Variants in SPON1 observed in about 807,000 individuals in gnomAD.
SPON1 encodes spondin-1.
In SPON1, 52 loss-of-function variants were observed where a neutral mutation model predicts 111.7. The observed-to-expected ratio is 0.47, with a 90% CI of 0.37 to 0.59. The LOEUF is 0.59. Ranked by LOEUF, SPON1 falls within the 20% of genes least tolerant of loss-of-function variation. SPON1 has a pLI of 0.00. For synonymous variants in SPON1, 410 were observed against 395.8 expected, an observed-to-expected ratio of 1.04 and a Z score of -0.43; for missense variants, 957 against 1,068.5, an observed-to-expected ratio of 0.90 and a Z score of 1.46.
chr11:14,012,794 A>C (rs995325487), intron 2 of SPON1, among the ~76,000 whole-genome samples: 1 of 152,052 alleles, frequency 6.6e-6, no homozygotes, highest in Non-Finnish European at 1.5e-5. Flanking sequence ...TTGAGGACAA[A>C]GCATGTTTTA....
intron 2 of SPON1, among the ~76,000 whole-genome samples, chr11:14,006,388 T>C (rs782801748): frequency 6.6e-6 from 1 of 152,120 alleles, no homozygotes; most frequent in Non-Finnish European, 1.5e-5. Flanking sequence ...AGAGCTCTCA[T>C]CAATATGGAA....
chr11:14,022,862 C>T (rs781892988), intron 2 of SPON1, among the ~76,000 whole-genome samples: 4 of 152,234 alleles, frequency 2.6e-5, no homozygotes, highest in African/African-American at 7.2e-5. Flanking sequence ...ACCACCTGCA[C>T]GCTGAGAAGA....
intron 2 of SPON1, among the ~76,000 whole-genome samples, chr11:13,991,699 C>A (rs1236247471): frequency 6.6e-6 from 1 of 152,124 alleles, no homozygotes; most frequent in Non-Finnish European, 1.5e-5. Context: ...CTGGCTTATC[C>A]ACATCTTTAT....
intron 2 of SPON1, among the ~76,000 whole-genome samples, chr11:14,013,856 T>C (rs1848423896): frequency 6.6e-6 from 1 of 152,206 alleles, no homozygotes; most frequent in Non-Finnish European, 1.5e-5. Context: ...GGTTATTTAC[T>C]TCTTGCTCAA....
At chr11:14,175,169 G>A (rs534932773) in intron 6 of SPON1, among the ~76,000 whole-genome samples, 3 of 152,344 alleles carry the variant, frequency 2.0e-5, no homozygotes, top group South Asian at 2.1e-4. Context: ...CTACTGAGCT[G>A]TACAGCATTG....
chr11:14,168,495 C>CT (rs561393472), intron 6 of SPON1, among the ~76,000 whole-genome samples: 3 of 151,222 alleles, frequency 2.0e-5, no homozygotes, highest in East Asian at 1.9e-4. Flanking sequence ...TAAAATTTTT[C>CT]TTTTTTTTTC....
At chr11:14,093,936 G>A (rs1849078908) in intron 5 of SPON1, among the ~76,000 whole-genome samples, 1 of 152,134 alleles carries the variant, frequency 6.6e-6, no homozygotes, top group South Asian at 2.1e-4. Context: ...ACTTAGGCCA[G>A]GCATGGTGGT....
chr11:14,012,768 C>A (rs1356093684), intron 2 of SPON1, among the ~76,000 whole-genome samples: 2 of 152,084 alleles, frequency 1.3e-5, no homozygotes, highest in Non-Finnish European at 2.9e-5. Flanking sequence ...TCTCCCTCTG[C>A]TAGAGTGCAA....
intron 6 of SPON1, among the ~76,000 whole-genome samples, chr11:14,198,604 C>T (rs1343474280): frequency 3.9e-5 from 6 of 152,200 alleles, no homozygotes; most frequent in Non-Finnish European, 7.3e-5. Context: ...ATGGTGTCTT[C>T]CAAGCTGGTG....
Position 13,989,409 on chromosome 11 carries a change from T to A in SPON1, c.345+6456T>A, listed in dbSNP as rs546776210. 1.2e-3 allele frequency among the ~76,000 whole-genome samples: 180 copies of A among 152,374 alleles called. 7 individuals carry two copies. The South Asian group carries it at 0.035, about 30-fold the overall frequency. On this transcript the variant is annotated intron_variant, in intron 2 of 15. Coordinates refer to ENST00000576479, the MANE Select transcript of SPON1 (RefSeq NM_006108.4). ...CAGTAGTGATATCCCCTATATCATT[T>A]TTTATTGCATCTATTGATTCTACTC... is the stretch of plus-strand genomic sequence containing the variant.
chr11:14,206,924 C>T (rs1564931138), intron 6 of SPON1, among the ~76,000 whole-genome samples: 1 of 151,948 alleles, frequency 6.6e-6, no homozygotes, highest in African/African-American at 2.4e-5. Flanking sequence ...GCCCAAATAG[C>T]AAAGGCAATT....
At chr11:13,968,758 G>A (rs1554908313) in intron 1 of SPON1, among the ~76,000 whole-genome samples, 1 of 152,088 alleles carries the variant, frequency 6.6e-6, no homozygotes, top group African/African-American at 2.4e-5. Flanking sequence ...GAGGACTTCA[G>A]TTTTCTTTTA....
intron 3 of SPON1, among the ~76,000 whole-genome samples, chr11:14,061,071 T>C (rs1386268421): frequency 6.6e-6 from 1 of 152,232 alleles, no homozygotes; most frequent in Non-Finnish European, 1.5e-5. Context: ...TACACCAACG[T>C]AGTTCATTAA....
intron 5 of SPON1, among the ~76,000 whole-genome samples, chr11:14,090,224 G>A (rs1395892135): frequency 6.8e-6 from 1 of 146,558 alleles, no homozygotes; most frequent in Non-Finnish European, 1.5e-5. Context: ...AAAAAAAACT[G>A]CAGCCAGCTT....
intron 6 of SPON1, among the ~76,000 whole-genome samples, chr11:14,158,404 A>G (rs551289206): frequency 1.7e-4 from 26 of 152,160 alleles, no homozygotes; most frequent in Non-Finnish European, 2.9e-4. Flanking sequence ...TTCCTTCACC[A>G]TGACTCTTAC....
intron 2 of SPON1, among the ~76,000 whole-genome samples, chr11:14,002,167 CTT>C (rs1156737655): frequency 1.3e-5 from 2 of 152,116 alleles, no homozygotes; most frequent in African/African-American, 2.4e-5. Flanking sequence ...ATAATTCTGA[CTT>C]TAATAGTAAT....
chr11:14,194,093 G>A (rs1335259145), intron 6 of SPON1, among the ~76,000 whole-genome samples: 2 of 152,194 alleles, frequency 1.3e-5, no homozygotes, highest in African/African-American at 4.8e-5. Context: ...TCCTCATCCT[G>A]TGCCCAGCAC....
chr11:14,121,271 C>T (rs1004485640), intron 5 of SPON1, among the ~76,000 whole-genome samples: 1 of 152,100 alleles, frequency 6.6e-6, no homozygotes, highest in Non-Finnish European at 1.5e-5. Context: ...ACTTGCTAGA[C>T]TTTACATTAA....
chr11:14,104,548 T>C (rs1181589391), intron 5 of SPON1, among the ~76,000 whole-genome samples: 2 of 152,132 alleles, frequency 1.3e-5, no homozygotes, highest in Non-Finnish European at 2.9e-5. Flanking sequence ...TTCCCTACTC[T>C]GTTACTGCTT....
Sources: gnomAD v4.1 joint callset for allele counts (sites outside exome capture counted in the v4.1 genomes callset) on GRCh38, gnomAD v4.1.1 for gene constraint, MANE v1.5 for transcripts, NCBI Gene and HGNC (gene_info 2026-07-23, HGNC 2026-07-21) for gene names.